Variants in FREM2 observed in about 807,000 individuals in gnomAD.
FREM2 encodes FRAS1 related extracellular matrix 2, also known as FRAS1-related extracellular matrix protein 2.
A neutral mutation model predicts 219.9 loss-of-function variants in FREM2; 119 were observed. That is an observed-to-expected ratio of 0.54 (90% CI 0.47 to 0.63). FREM2 has a LOEUF of 0.63. Among genes scored for constraint, FREM2 ranks in the 30% least tolerant of loss-of-function variants. FREM2 has a pLI of 0.00. For synonymous variants in FREM2, 1,562 were observed against 1,522.8 expected (o/e 1.03, Z -0.60); for missense variants, 4,030 against 3,993.6 (o/e 1.01, Z -0.25).
At position 38,690,634 on chromosome 13, in the gene FREM2, C is replaced by A; in HGVS notation, c.3290C>A (p.Ser1097Tyr). 6.2e-7 allele frequency: 1 copy of A among 1,613,660 alleles called. No homozygotes were observed. Among genetic ancestry groups the A allele is most frequent in the Non-Finnish European group, 8.5e-7 (1 of 1,179,826 alleles). Residue 1097 changes from serine (S) to tyrosine (Y), a missense_variant, in exon 1 of 24, where the codon TCC becomes TAC. Ser to Tyr is a moderately radical substitution (Grantham distance 144, BLOSUM62 -2). Coordinates refer to ENST00000280481, the MANE Select transcript of FREM2 (RefSeq NM_207361.6). The stretch of plus-strand genomic sequence containing the variant: ...CATATAAGTGCTGAAGATGTCGACT[C>A]CCTGAATGATGACATCTTGTGCACT... Reference protein sequence around the residue: ...SVHISAEDVDSLNDDILCTIV... With the variant: ...SVHISAEDVDYLNDDILCTIV...
intron 2 of FREM2, among the ~76,000 whole-genome samples, chr13:38,711,913 C>CT (rs1224297915): frequency 0.038 from 4,114 of 107,230 alleles, 75 homozygotes; most frequent in African/African-American, 0.09. Context: ...CTGATAATTT[C>CT]TTTTTTTTTT....
intron 11 of FREM2, among the ~76,000 whole-genome samples, chr13:38,855,390 A>T (rs1877517136): frequency 6.6e-6 from 1 of 152,178 alleles, no homozygotes; most frequent in African/African-American, 2.4e-5. Flanking sequence ...TATACTTATG[A>T]TCATATTCAT....
At chr13:38,741,740 A>C (rs980860652) in intron 2 of FREM2, among the ~76,000 whole-genome samples, 3 of 152,198 alleles carry the variant, frequency 2.0e-5, no homozygotes, top group Admixed American at 1.3e-4. Context: ...CATCAGTCAT[A>C]GAAAGTAATC....
At chr13:38,835,628 T>A (rs928425756) in intron 6 of FREM2, among the ~76,000 whole-genome samples, 1 of 152,244 alleles carries the variant, frequency 6.6e-6, no homozygotes, top group Non-Finnish European at 1.5e-5. Flanking sequence ...CCTTGAGCAG[T>A]GGTTTGTAGT....
At chr13:38,817,688 A>C (rs1205377497) in intron 6 of FREM2, among the ~76,000 whole-genome samples, 2 of 152,150 alleles carry the variant, frequency 1.3e-5, no homozygotes, top group Non-Finnish European at 2.9e-5. Flanking sequence ...ATAGTCAACA[A>C]AAGGAAAAAT....
intron 6 of FREM2, among the ~76,000 whole-genome samples, chr13:38,785,079 A>G (rs1053999635): frequency 3.9e-5 from 6 of 152,170 alleles, no homozygotes; most frequent in African/African-American, 1.4e-4. Context: ...AGGTGATTAA[A>G]CTTTTGACAT....
intron 8 of FREM2, among the ~76,000 whole-genome samples, chr13:38,849,667 C>A (rs1877297655): frequency 6.6e-6 from 1 of 152,164 alleles, no homozygotes; most frequent in Non-Finnish European, 1.5e-5. Context: ...AAGTTACCTA[C>A]ATGATCTGAG....
intron 6 of FREM2, among the ~76,000 whole-genome samples, chr13:38,844,133 T>A (rs1877060311): frequency 6.6e-6 from 1 of 152,204 alleles, no homozygotes; most frequent in African/African-American, 2.4e-5. Context: ...GATTTAGGGT[T>A]AAAATCCCAT....
At chr13:38,734,053 A>T (rs1871878394) in intron 2 of FREM2, among the ~76,000 whole-genome samples, 1 of 152,198 alleles carries the variant, frequency 6.6e-6, no homozygotes. Context: ...AATTGTTTAC[A>T]TTATAAACTA....
chr13:38,821,829 C>G (rs987705323), intron 6 of FREM2: 1 of 152,192 alleles, frequency 6.6e-6, no homozygotes, highest in East Asian at 1.9e-4. Flanking sequence ...AATAGACAAA[C>G]AGCTCCAACA....
At chr13:38,861,376 T>G in intron 14 of FREM2, 55 bp from the exon 15 acceptor site, 1 of 1,561,980 alleles carries the variant, frequency 6.4e-7, no homozygotes. Flanking sequence ...AAACATTCTT[T>G]AGGTATTATT....
In FREM2 at chr13:38,882,997, C is replaced by A. The variant is rs1053008847; in HGVS notation, c.*2210C>A. 6.6e-6 allele frequency: 1 copy of A among 152,098 alleles called. No homozygotes were observed. Among genetic ancestry groups the A allele is most frequent in the African/African-American group, 2.4e-5 (1 of 41,414 alleles). 9.4% of individuals were successfully genotyped at this position (152,098 alleles called of 1,614,324 possible). On this transcript the variant is annotated 3_prime_UTR_variant, in exon 24 of 24. Coordinates refer to ENST00000280481, the MANE Select transcript of FREM2 (RefSeq NM_207361.6). ...AGCTGGTTTTATACCAAATTTCACT[C>A]TACAATGCATATTCTAATGAAGCTA...
At chr13:38,776,299 C>T (rs1773835380) in intron 4 of FREM2, among the ~76,000 whole-genome samples, 1 of 152,178 alleles carries the variant, frequency 6.6e-6, no homozygotes, top group African/African-American at 2.4e-5. Flanking sequence ...CCATCAGTGC[C>T]TTCATCCATG....
chr13:38,813,374 A>G (rs1458731034), intron 6 of FREM2, among the ~76,000 whole-genome samples: 3 of 150,936 alleles, frequency 2.0e-5, no homozygotes, highest in Non-Finnish European at 4.4e-5. Flanking sequence ...AGCACTTTAA[A>G]TATGTCATAC....
intron 3 of FREM2, among the ~76,000 whole-genome samples, chr13:38,767,038 A>G (rs1437238100): frequency 6.6e-6 from 1 of 152,190 alleles, no homozygotes; most frequent in Non-Finnish European, 1.5e-5. Flanking sequence ...GGAAATAGAG[A>G]GGCTGTGACA....
Position 38,690,709 on chromosome 13 carries a change from C to A in FREM2, c.3365C>A (p.Pro1122Gln), listed in dbSNP as rs778350535. 1.9e-6 allele frequency: 3 copies of A among 1,614,000 alleles called. No individual in the cohort carries two copies. Among genetic ancestry groups the A allele is most frequent in the Non-Finnish European group, 2.5e-6 (3 of 1,180,026 alleles). ...TATGTTGAAAACATTTCTCCAGCAC[C>A]AGGCTCTGAGAAATCAAGAGCAGGG... ...SGYVENISPAPGSEKSRAGIA... is the reference protein window; with the variant it reads ...SGYVENISPAQGSEKSRAGIA... Residue 1122 changes from proline to glutamine, a missense_variant, in exon 1 of 24, where the codon CCA becomes CAA. This residue lies in a region of FREM2 where 3,102 missense variants were observed against 2,950.7 expected (regional missense o/e 1.05). Transcript: ENST00000280481.
At chr13:38,762,970 A>G (rs1873288812) in intron 2 of FREM2, among the ~76,000 whole-genome samples, 1 of 152,164 alleles carries the variant, frequency 6.6e-6, no homozygotes. Flanking sequence ...ACACTATAAG[A>G]TAGTTTTTAA....
intron 6 of FREM2, among the ~76,000 whole-genome samples, chr13:38,833,540 T>C (rs573550898): frequency 8.5e-5 from 13 of 152,304 alleles, no homozygotes; most frequent in African/African-American, 3.1e-4. Flanking sequence ...ATATTTCATC[T>C]ACTCACTGAA....
intron 2 of FREM2, among the ~76,000 whole-genome samples, chr13:38,739,020 A>G (rs551389458): frequency 1.3e-5 from 2 of 152,164 alleles, no homozygotes; most frequent in Non-Finnish European, 2.9e-5. Context: ...AACAGTATCT[A>G]TCTCAGAATA....
Sources: allele counts gnomAD v4.1 joint callset (sites outside exome capture counted in the v4.1 genomes callset), GRCh38; gene constraint gnomAD v4.1.1; regional missense constraint gnomAD v4.1.1; transcripts MANE v1.5; gene names NCBI Gene and HGNC (gene_info 2026-07-23, HGNC 2026-07-21).